Variants in PIGU observed in about 807,000 individuals in gnomAD.
PIGU encodes the protein GPI-anchor transamidase component PIGU.
A neutral mutation model predicts 49.9 loss-of-function variants in PIGU; 24 were observed. That is an observed-to-expected ratio of 0.48 (90% CI 0.35 to 0.68). The LOEUF is 0.68. PIGU is among the 30% of genes least tolerant of loss of function. The probability of loss-of-function intolerance (pLI) is 0.01; values close to 1 mark genes in which losing one functional copy is unlikely to be tolerated. For missense variants in PIGU, 490 were observed against 532.6 expected (o/e 0.92, Z 0.79); for synonymous variants, 220 against 205.7 (o/e 1.07, Z -0.59).
intron 11 of PIGU, among the ~76,000 whole-genome samples, chr20:34,563,752 T>TG (rs1982629316): frequency 6.6e-6 from 1 of 152,176 alleles, no homozygotes; most frequent in African/African-American, 2.4e-5. Context: ...GGTCTAGACT[T>TG]GGTTACTCAC....
At chr20:34,616,430 G>A (rs996828708) in intron 6 of PIGU, among the ~76,000 whole-genome samples, 4 of 152,046 alleles carry the variant, frequency 2.6e-5, no homozygotes, top group South Asian at 2.1e-4. Context: ...ATTTCAACCC[G>A]AAGATGTATA....
At chr20:34,601,817 G>A (rs1292797154) in intron 7 of PIGU, among the ~76,000 whole-genome samples, 1 of 152,156 alleles carries the variant, frequency 6.6e-6, no homozygotes. Flanking sequence ...CCCAGTCTGT[G>A]TGTATAACTC....
chr20:34,674,783 T>C (rs1987442002), intron 1 of PIGU, among the ~76,000 whole-genome samples: 1 of 150,770 alleles, frequency 6.6e-6, no homozygotes. Context: ...AAAAAAATAA[T>C]AATAATAACA....
intron 11 of PIGU, among the ~76,000 whole-genome samples, chr20:34,570,615 G>A (rs1297630906): frequency 2.0e-5 from 3 of 151,970 alleles, no homozygotes; most frequent in African/African-American, 4.8e-5. Context: ...GGGTTTCACC[G>A]TGTTAGCCAG....
At chr20:34,605,096 C>G (rs1012668617) in intron 7 of PIGU, among the ~76,000 whole-genome samples, 4 of 152,134 alleles carry the variant, frequency 2.6e-5, no homozygotes, top group African/African-American at 9.7e-5. Flanking sequence ...GAGCCTCCTG[C>G]CCCTGAGCAT....
At chr20:34,645,202 A>AG (rs1555802055) in intron 3 of PIGU, 73 bp downstream of exon 3, 36 of 1,334,790 alleles carry the variant, frequency 2.7e-5, no homozygotes, top group Admixed American at 1.0e-4. Flanking sequence ...AAAAAAAAAA[A>AG]AGAGAGAGAG....
At chr20:34,573,523 C>T (rs1382656751) in intron 11 of PIGU, among the ~76,000 whole-genome samples, 1 of 152,130 alleles carries the variant, frequency 6.6e-6, no homozygotes, top group Non-Finnish European at 1.5e-5. Flanking sequence ...ATTTCCAGAC[C>T]CAAACTTAAG....
intron 1 of PIGU, among the ~76,000 whole-genome samples, chr20:34,668,372 G>C (rs1163420989): frequency 1.4e-5 from 2 of 143,870 alleles, no homozygotes; most frequent in Non-Finnish European, 3.0e-5. Flanking sequence ...TAAGGCAGGA[G>C]AATCTCCTGA....
intron 7 of PIGU, among the ~76,000 whole-genome samples, chr20:34,604,211 A>T (rs1568635435): frequency 6.6e-6 from 1 of 152,196 alleles, no homozygotes; most frequent in Non-Finnish European, 1.5e-5. Flanking sequence ...TATATAAAAA[A>T]TATTTAGGGA....
At chr20:34,577,651 G>T (rs1019122898) in intron 10 of PIGU, among the ~76,000 whole-genome samples, 1 of 152,200 alleles carries the variant, frequency 6.6e-6, no homozygotes, top group African/African-American at 2.4e-5. Flanking sequence ...GAGAGGCAGA[G>T]GTTGCAGTGA....
At chr20:34,619,151 GGAAGGGGGGCTGTCTCGCCATATT>G (rs1985115717) in intron 6 of PIGU, among the ~76,000 whole-genome samples, 1 of 152,208 alleles carries the variant, frequency 6.6e-6, no homozygotes, top group East Asian at 1.9e-4. Flanking sequence ...GAATTCTATG[GGAAGGGGGGCTGTCTCGCCATATT>G]GACAGTGCCA....
chr20:34,578,856 TGAAAGGC>T (rs1983343420), intron 10 of PIGU, among the ~76,000 whole-genome samples: 2 of 152,254 alleles, frequency 1.3e-5, no homozygotes, highest in South Asian at 4.1e-4. Context: ...CCTAACAAGG[TGAAAGGC>T]TTCACCCTTC....
chr20:34,568,446 G>C (rs536397486), intron 11 of PIGU, among the ~76,000 whole-genome samples: 8 of 152,140 alleles, frequency 5.3e-5, no homozygotes, highest in African/African-American at 1.9e-4. Flanking sequence ...ACCGCATATC[G>C]GGAGCAACGA....
At chr20:34,564,976 C>G (rs1982682220) in intron 11 of PIGU, among the ~76,000 whole-genome samples, 2 of 152,230 alleles carry the variant, frequency 1.3e-5, no homozygotes, top group Admixed American at 6.5e-5. Context: ...CAGAGGGAAG[C>G]CTGTAGCCAG....
intron 7 of PIGU, among the ~76,000 whole-genome samples, chr20:34,598,647 A>G (rs1984292452): frequency 6.6e-6 from 1 of 152,198 alleles, no homozygotes; most frequent in Admixed American, 6.5e-5. Flanking sequence ...TAGTTATTCC[A>G]ACCACCACTT....
chr20:34,676,524 G>A (rs1022605858), intron 1 of PIGU, among the ~76,000 whole-genome samples: 5 of 152,114 alleles, frequency 3.3e-5, no homozygotes, highest in Non-Finnish European at 7.4e-5. Context: ...AAGCAAAATT[G>A]GTCCCCTCAT....
chr20:34,611,928 C>T (rs1984832047), intron 7 of PIGU, among the ~76,000 whole-genome samples: 1 of 152,138 alleles, frequency 6.6e-6, no homozygotes, highest in Non-Finnish European at 1.5e-5. Flanking sequence ...TAAATTAGTT[C>T]AACCATTGTG....
At chr20:34,578,766 T>C (rs752359567) in intron 10 of PIGU, among the ~76,000 whole-genome samples, 1 of 152,188 alleles carries the variant, frequency 6.6e-6, no homozygotes, top group Non-Finnish European at 1.5e-5. Flanking sequence ...AAGCTATATA[T>C]GCCAGAGCAG....
intron 7 of PIGU, among the ~76,000 whole-genome samples, chr20:34,600,742 A>T (rs1381632186): frequency 2.6e-5 from 4 of 152,186 alleles, no homozygotes; most frequent in African/African-American, 9.7e-5. Flanking sequence ...AGGCTGTTAA[A>T]AGCAGTTATT....
Sources: gnomAD v4.1 joint callset for allele counts (sites outside exome capture counted in the v4.1 genomes callset) on GRCh38, gnomAD v4.1.1 for gene constraint, MANE v1.5 for transcripts, NCBI Gene and HGNC (gene_info 2026-07-23, HGNC 2026-07-21) for gene names.